MYT1L: variants seen among roughly 807,000 people sequenced by gnomAD.
MYT1L encodes the protein myelin transcription factor 1 like, also known as myelin transcription factor 1-like protein.
In MYT1L, 12 loss-of-function variants were observed where a neutral mutation model predicts 126.7. The observed-to-expected ratio is 0.09, with a 90% CI of 0.06 to 0.15. The LOEUF is 0.15. Ranked by LOEUF, MYT1L falls within the 10% of genes least tolerant of loss-of-function variation. The pLI, the probability that MYT1L is intolerant of heterozygous loss-of-function variation, is 1.00. For missense variants in MYT1L, 979 were observed against 1,585.2 expected (o/e 0.62, Z 6.49); for synonymous variants, 541 against 604.2 (o/e 0.90, Z 1.53).
At chr2:1,843,548 C>A (rs148902064) in intron 19 of MYT1L, among the ~76,000 whole-genome samples, 1 of 151,672 alleles carries the variant, frequency 6.6e-6, no homozygotes, top group Non-Finnish European at 1.5e-5. Flanking sequence ...GGGAGAATTA[C>A]GGAGTCCTAC....
At chr2:2,244,133 G>T (rs1211996908) in intron 2 of MYT1L, among the ~76,000 whole-genome samples, 1 of 152,122 alleles carries the variant, frequency 6.6e-6, no homozygotes, top group African/African-American at 2.4e-5. Context: ...CTTATCAAAA[G>T]ATTTTTACAT....
rs1323844204 is a variant in MYT1L at position 2,236,179 on chromosome 2, C to G, written c.-421+48225G>C. Among the ~76,000 whole-genome samples the G allele has an allele frequency of 2.0e-5, 3 of 150,524 alleles. No individual in the cohort carries two copies. The East Asian group carries it at 5.9e-4, about 30-fold the overall frequency. On this transcript the variant is annotated intron_variant, in intron 2 of 24. Transcript: ENST00000647738. Reference sequence around the variant, plus strand: ...CATCCTAACCCAGCACATCCCAACCCAACCCAGCACATCCCAACCCAACCC... The same window carrying G: ...CATCCTAACCCAGCACATCCCAACCGAACCCAGCACATCCCAACCCAACCC...
At chr2:2,097,327 G>T (rs984985732) in intron 3 of MYT1L, among the ~76,000 whole-genome samples, 3 of 152,110 alleles carry the variant, frequency 2.0e-5, no homozygotes, top group Non-Finnish European at 2.9e-5. Flanking sequence ...CATGCATTCA[G>T]CCTGGTCCCA....
At chr2:2,031,594 G>A (rs1390329113) in intron 4 of MYT1L, among the ~76,000 whole-genome samples, 3 of 141,612 alleles carry the variant, frequency 2.1e-5, no homozygotes, top group Admixed American at 7.0e-5. Flanking sequence ...CCTCGCCAGT[G>A]CCTCTCATCC....
At chr2:1,936,785 A>C (rs1039777662) in intron 9 of MYT1L, among the ~76,000 whole-genome samples, 1 of 152,084 alleles carries the variant, frequency 6.6e-6, no homozygotes, top group African/African-American at 2.4e-5. Context: ...GAAGCTGGGG[A>C]GTTCAGAGGC....
chr2:1,870,410 C>T (rs1475250595), intron 18 of MYT1L, among the ~76,000 whole-genome samples: 2 of 152,124 alleles, frequency 1.3e-5, no homozygotes, highest in Non-Finnish European at 2.9e-5. Context: ...CCCCAGAGAG[C>T]AGCAGCCTGG....
At chr2:2,134,211 G>A (rs2148059714) in intron 3 of MYT1L, among the ~76,000 whole-genome samples, 1 of 152,206 alleles carries the variant, frequency 6.6e-6, no homozygotes, top group East Asian at 1.9e-4. Flanking sequence ...CTCCCTCCTG[G>A]CTTCCACATC....
At chr2:2,155,820 A>G (rs565567038) in intron 3 of MYT1L, among the ~76,000 whole-genome samples, 12 of 152,296 alleles carry the variant, frequency 7.9e-5, no homozygotes, top group African/African-American at 2.6e-4. Flanking sequence ...AGCCATCAAC[A>G]TCACTCCTTA....
chr2:2,196,822 A>G (rs1393433076), intron 2 of MYT1L, among the ~76,000 whole-genome samples: 1 of 152,046 alleles, frequency 6.6e-6, no homozygotes, highest in Non-Finnish European at 1.5e-5. Context: ...GAGGAAAATT[A>G]GAAAATAGTA....
At chr2:1,952,510 G>T (rs1573915477) in intron 8 of MYT1L, among the ~76,000 whole-genome samples, 1 of 151,884 alleles carries the variant, frequency 6.6e-6, no homozygotes, top group East Asian at 2.0e-4. Context: ...CAGGAGACGT[G>T]GTTCTCCGAC....
In MYT1L at chr2:1,791,022, T is replaced by G. The variant is rs959133997; in HGVS notation, c.*845A>C. On this transcript the variant is annotated 3_prime_UTR_variant, in exon 25 of 25. Transcript: ENST00000647738. This position sits in a 1 kb window ranked among gnomAD's most constrained non-coding sequence, Gnocchi z 6.0. The stretch of plus-strand genomic sequence containing the variant: ...TTTATTGAAAATGGAAAAGGAAATC[T>G]TCACGTTGTCCACCTCTGATAAGAT... 3.3e-5 allele frequency: 10 copies of G among 305,830 alleles called. No homozygotes were observed. The highest frequency in any genetic ancestry group is 6.6e-5 in the Non-Finnish European group (10 of 151,828). 18.9% of individuals were successfully genotyped at this position (305,830 alleles called of 1,614,324 possible).
At chr2:1,995,445 G>GCAT (rs1256945050) in intron 5 of MYT1L, among the ~76,000 whole-genome samples, 1 of 152,182 alleles carries the variant, frequency 6.6e-6, no homozygotes, top group Non-Finnish European at 1.5e-5. Context: ...AAGAAAAAAA[G>GCAT]CATCAACAAG....
At chr2:2,176,266 C>T (rs2090757742) in intron 2 of MYT1L, among the ~76,000 whole-genome samples, 2 of 152,022 alleles carry the variant, frequency 1.3e-5, no homozygotes, top group Non-Finnish European at 2.9e-5. Context: ...AGTAGGAAAT[C>T]AGGAAAAGAA....
rs1395238664 is a variant in MYT1L at position 1,791,703 on chromosome 2, G to C, written c.*164C>G. 2.9e-5 allele frequency: 19 copies of C among 656,696 alleles called. No individual in the cohort carries two copies. In the Admixed American group the frequency reaches 6.5e-4, roughly 22 times the overall value. The allele number at this position is 656,696 out of a possible 1,614,324, so 40.7% of individuals were successfully genotyped here. A position where few individuals can be genotyped will look rare whatever the true frequency, so the allele number is the denominator to read the frequency against. On this transcript the variant is annotated 3_prime_UTR_variant, in exon 25 of 25. Coordinates refer to ENST00000647738, the MANE Select transcript of MYT1L (RefSeq NM_001303052.2). This position sits in a 1 kb window ranked among gnomAD's most constrained non-coding sequence, Gnocchi z 6.0. The stretch of plus-strand genomic sequence containing the variant: ...GGTGTATTCAAAAACTATTCTGCAG[G>C]TACTATCTTTAAAGCAAGACATAAA...
intron 19 of MYT1L, among the ~76,000 whole-genome samples, chr2:1,845,211 C>T (rs959791715): frequency 9.9e-5 from 15 of 152,044 alleles, no homozygotes; most frequent in Non-Finnish European, 2.1e-4. Flanking sequence ...TGGCCTCAAG[C>T]GATCTGCCTG....
chr2:1,983,646 G>T (rs1182012724), intron 5 of MYT1L, among the ~76,000 whole-genome samples: 1 of 152,190 alleles, frequency 6.6e-6, no homozygotes, highest in Non-Finnish European at 1.5e-5. Context: ...GAATGCTTGG[G>T]CTTGCTTCCA....
intron 11 of MYT1L, among the ~76,000 whole-genome samples, chr2:1,916,657 C>A (rs1479204931): frequency 6.6e-6 from 1 of 152,184 alleles, no homozygotes; most frequent in Non-Finnish European, 1.5e-5. Context: ...CTGATTTCAA[C>A]CTCCTTCCTT....
chr2:1,961,640 T>A (rs1212031848), intron 8 of MYT1L, among the ~76,000 whole-genome samples: 6 of 152,206 alleles, frequency 3.9e-5, no homozygotes, highest in Non-Finnish European at 8.8e-5. Context: ...CTACACAAAC[T>A]CTTTTAATAG....
chr2:2,197,854 C>A lies in MYT1L; in HGVS notation c.-420-24866G>T, dbSNP rs1381325711. Among the ~76,000 whole-genome samples the A allele has an allele frequency of 3.5e-5, 5 of 143,838 alleles. No homozygotes were observed. In the East Asian group the frequency reaches 8.3e-4, roughly 24 times the overall value. The allele number at this position is 143,838 out of a possible 152,430, so 94.4% of individuals were successfully genotyped here. A position where few individuals can be genotyped will look rare whatever the true frequency, so the allele number is the denominator to read the frequency against. On this transcript the variant is annotated intron_variant, in intron 2 of 24. Transcript: ENST00000647738. ...ACACAACGAATGTGTAGAGATGTAC[C>A]TAACATACACACATATATACACATG... is the stretch of plus-strand genomic sequence containing the variant.
Sources: gnomAD v4.1 joint callset for allele counts (sites outside exome capture counted in the v4.1 genomes callset) on GRCh38, gnomAD v4.1.1 for gene constraint, Gnocchi (gnomAD v3.1) non-coding constraint, MANE v1.5 for transcripts, NCBI Gene and HGNC (gene_info 2026-07-23, HGNC 2026-07-21) for gene names.